The following ARHGAP12 variants were observed in gnomAD, a reference collection of about 807,000 sequenced individuals.
ARHGAP12 encodes rho GTPase-activating protein 12.
In ARHGAP12, 64 loss-of-function variants were observed where a neutral mutation model predicts 108.6. The observed-to-expected ratio is 0.59, with a 90% confidence interval of 0.48 to 0.73. The LOEUF is 0.73. Among genes scored for constraint, ARHGAP12 ranks in the 30% least tolerant of loss-of-function variants. The probability of loss-of-function intolerance (pLI) is 0.00; values close to 1 mark genes in which losing one functional copy is unlikely to be tolerated. For missense variants in ARHGAP12, 940 were observed against 1,005.9 expected (o/e 0.93, Z 0.89); for synonymous variants, 312 against 337.2 (o/e 0.93, Z 0.82).
intron 3 of ARHGAP12, among the ~76,000 whole-genome samples, chr10:31,873,003 C>T (rs940753497): frequency 2.6e-5 from 4 of 152,148 alleles, no homozygotes; most frequent in Non-Finnish European, 5.9e-5. Context: ...TTGAAATGTT[C>T]CCCTGTTCCC....
intron 6 of ARHGAP12, among the ~76,000 whole-genome samples, chr10:31,844,153 T>C (rs957890836): frequency 1.3e-5 from 2 of 152,164 alleles, no homozygotes; most frequent in Non-Finnish European, 2.9e-5. Context: ...TTTTCCTAGT[T>C]TGTAGCCCAT....
In ARHGAP12 at chr10:31,918,781, G is replaced by T. The variant is rs116879094; in HGVS notation, c.-110-8218C>A. On this transcript the variant is annotated intron_variant, in intron 1 of 19. Coordinates refer to ENST00000344936, the MANE Select transcript of ARHGAP12 (RefSeq NM_018287.7). ...GAAACTAAAACTCTTGTGCACTGCT[G>T]GTGGAAATGTAAAGTGGTACAGCCA... 4.1e-4 allele frequency among the ~76,000 whole-genome samples: 63 copies of T among 152,324 alleles called. No homozygotes were observed. In the East Asian group the frequency reaches 0.012, roughly 28 times the overall value.
chr10:31,877,882 A>G (rs1005004921), intron 3 of ARHGAP12, among the ~76,000 whole-genome samples: 18 of 152,188 alleles, frequency 1.2e-4, no homozygotes, highest in Non-Finnish European at 2.6e-4. Context: ...GCTTGAGCCC[A>G]GCAGTTTGAG....
chr10:31,918,926 T>C (rs554050770), intron 1 of ARHGAP12, among the ~76,000 whole-genome samples: 83 of 152,340 alleles, frequency 5.4e-4, no homozygotes, highest in African/African-American at 1.9e-3. Context: ...CAAACAGATA[T>C]TTGTATATCC....
At chr10:31,896,953 G>A (rs367949035) in intron 3 of ARHGAP12, among the ~76,000 whole-genome samples, 1 of 147,104 alleles carries the variant, frequency 6.8e-6, no homozygotes, top group South Asian at 2.2e-4. Flanking sequence ...AGAAACCCTG[G>A]AGCTATAAAC....
chr10:31,805,647 T>TACACAC lies in ARHGAP12; in HGVS notation c.*2010_*2011insGTGTGT, dbSNP rs1216705535. ...TGTAGACTAATAAAACATTTAAGAC[T>TACACAC]TCACACACACACACACACACACACA... On this transcript the variant is annotated 3_prime_UTR_variant, in exon 20 of 20. Coordinates refer to ENST00000344936, the MANE Select transcript of ARHGAP12 (RefSeq NM_018287.7). 10 of 47,982 alleles carry TACACAC rather than the reference T, an allele frequency of 2.1e-4. No individual in the cohort carries two copies. In the South Asian group the frequency reaches 4.5e-3, roughly 21 times the overall value. 3.0% of individuals were successfully genotyped at this position (47,982 alleles called of 1,614,324 possible). A position where few individuals can be genotyped will look rare whatever the true frequency, so the allele number is the denominator to read the frequency against.
intron 3 of ARHGAP12, among the ~76,000 whole-genome samples, chr10:31,870,224 TTC>T (rs1454478222): frequency 1.3e-5 from 2 of 149,572 alleles, no homozygotes; most frequent in African/African-American, 4.9e-5. Flanking sequence ...TTACCATAAT[TTC>T]TGTCTTTTTT....
At chr10:31,894,323 T>C (rs566133294) in intron 3 of ARHGAP12, among the ~76,000 whole-genome samples, 7,687 of 152,108 alleles carry the variant, frequency 0.051, 610 homozygotes, top group African/African-American at 0.17. Context: ...TGTTTGCAGA[T>C]GACATGATTG....
In ARHGAP12 at chr10:31,807,739, A is replaced by G; in HGVS notation, c.2460T>C (p.Gly820=). ...PTLLKPEKET[G]NIAVHTVYQN... The stretch of plus-strand genomic sequence containing the variant: ...GGTACACAGTATGAACTGCTATATT[A>G]CCAGTCTCTTTTTCTGGTTTTAATA... Residue 820 remains glycine, a synonymous_variant, in exon 20 of 20, where the codon GGT becomes GGC. Coordinates refer to ENST00000344936, the MANE Select transcript of ARHGAP12 (RefSeq NM_018287.7). The G allele has an allele frequency of 6.2e-7, 1 of 1,608,030 alleles. No homozygotes were observed. Among genetic ancestry groups the G allele is most frequent in the Non-Finnish European group, 8.5e-7 (1 of 1,177,604 alleles).
chr10:31,838,830 CAAAAAAA>C (rs34471173), intron 9 of ARHGAP12, among the ~76,000 whole-genome samples: 1 of 102,720 alleles, frequency 9.7e-6, no homozygotes, highest in Non-Finnish European at 1.9e-5. Context: ...GGCTCCATCT[CAAAAAAA>C]AAAAAAAAAA....
At chr10:31,841,093 A>T (rs1376845921) in intron 7 of ARHGAP12, among the ~76,000 whole-genome samples, 1 of 152,126 alleles carries the variant, frequency 6.6e-6, no homozygotes, top group South Asian at 2.1e-4. Context: ...CCACAGAAAT[A>T]AAAACCACAA....
At chr10:31,838,037 G>A (rs990727359) in intron 9 of ARHGAP12, among the ~76,000 whole-genome samples, 2 of 152,134 alleles carry the variant, frequency 1.3e-5, no homozygotes, top group African/African-American at 2.4e-5. Context: ...TTATGTAATC[G>A]AATAATATAT....
rs1295317887 is a variant in ARHGAP12 at position 31,807,617 on chromosome 10, T to C, written c.*41A>G. 19 of 1,550,222 alleles carry C rather than the reference T, an allele frequency of 1.2e-5. No homozygotes were observed. Among genetic ancestry groups the C allele is most frequent in the Non-Finnish European group, 1.7e-5 (19 of 1,150,030 alleles). ...TTGTGTATAAACATTTGAAATCTGA[T>C]GGAATCCAGCTTCTATTCCACAGGT... On this transcript the variant is annotated 3_prime_UTR_variant, in exon 20 of 20. Coordinates refer to ENST00000344936, the MANE Select transcript of ARHGAP12 (RefSeq NM_018287.7).
chr10:31,828,694 C>G (rs537809322), intron 10 of ARHGAP12, among the ~76,000 whole-genome samples: 1 of 152,038 alleles, frequency 6.6e-6, no homozygotes, highest in East Asian at 1.9e-4. Context: ...GAATTAGTCA[C>G]ATTTTTTTTT....
intron 3 of ARHGAP12, among the ~76,000 whole-genome samples, chr10:31,894,422 G>T (rs1239728321): frequency 6.7e-6 from 1 of 150,282 alleles, no homozygotes. Flanking sequence ...AAATCAATGT[G>T]CAAAAATCAC....
At chr10:31,892,376 C>T (rs1838484759) in intron 3 of ARHGAP12, among the ~76,000 whole-genome samples, 1 of 152,058 alleles carries the variant, frequency 6.6e-6, no homozygotes, top group African/African-American at 2.4e-5. Flanking sequence ...AACTCACGTG[C>T]AGAGACACAC....
chr10:31,817,642 A>G, intron 13 of ARHGAP12, 146 bp downstream of exon 13: 1 of 558,242 alleles, frequency 1.8e-6, no homozygotes, highest in East Asian at 3.1e-5. Flanking sequence ...GGGCTGCTAA[A>G]TTGACCATTG....
chr10:31,877,175 C>T (rs1300798759), intron 3 of ARHGAP12, among the ~76,000 whole-genome samples: 2 of 152,140 alleles, frequency 1.3e-5, no homozygotes, highest in Non-Finnish European at 1.5e-5. Flanking sequence ...GACGCTGTTG[C>T]GCATTAGAAT....
Position 31,854,210 on chromosome 10 carries a change from C to A in ARHGAP12, c.949-4G>T. ...AGTTTTCTTCCGATGAAAGAAGCTA[C>A]AAATAGTCAGAAACATAAGGATTTT... On this transcript the variant is annotated splice_polypyrimidine_tract_variant and splice_region_variant and intron_variant, in intron 4 of 19. Transcript: ENST00000344936. 1 of 1,597,500 alleles carries A rather than the reference C, an allele frequency of 6.3e-7. No individual in the cohort carries two copies. The highest frequency in any genetic ancestry group is 8.5e-7 in the Non-Finnish European group (1 of 1,175,544).
Sources: allele counts gnomAD v4.1 joint callset (sites outside exome capture counted in the v4.1 genomes callset), GRCh38; gene constraint gnomAD v4.1.1; transcripts MANE v1.5; gene names NCBI Gene and HGNC (gene_info 2026-07-23, HGNC 2026-07-21).